The following MYO3A variants were observed in gnomAD, a reference collection of about 807,000 sequenced individuals.
MYO3A encodes myosin IIIA, also known as myosin-IIIa.
In MYO3A, 180 loss-of-function variants were observed where a neutral mutation model predicts 192.7. The ratio of observed to expected loss-of-function variants is 0.93; its 90% CI spans 0.83 to 1.06. MYO3A has a LOEUF of 1.06. Among genes scored for constraint, MYO3A ranks in the 50% least tolerant of loss-of-function variants. MYO3A has a pLI of 0.00. For missense variants in MYO3A, 1,896 were observed against 1,905.0 expected, an observed-to-expected ratio of 1.00 and a Z score of 0.09; for synonymous variants, 628 against 645.3, an observed-to-expected ratio of 0.97 and a Z score of 0.41.
chr10:26,199,614 T>C (rs1843587045), intron 32 of MYO3A, among the ~76,000 whole-genome samples: 1 of 151,006 alleles, frequency 6.6e-6, no homozygotes, highest in South Asian at 2.1e-4. Context: ...CAGGCAAGAG[T>C]GAAAGATGTC....
intron 4 of MYO3A, among the ~76,000 whole-genome samples, chr10:25,993,703 G>T (rs2130878821): frequency 6.6e-6 from 1 of 152,246 alleles, no homozygotes; most frequent in Non-Finnish European, 1.5e-5. Flanking sequence ...AGAGATTCTG[G>T]TATGTTGTGT....
intron 31 of MYO3A, among the ~76,000 whole-genome samples, chr10:26,179,573 C>G (rs1842513245): frequency 6.6e-6 from 1 of 152,098 alleles, no homozygotes; most frequent in Admixed American, 6.6e-5. Context: ...TCTAAGAACC[C>G]ATTGACATTG....
chr10:25,996,190 G>T (rs979711453), intron 4 of MYO3A, among the ~76,000 whole-genome samples: 71 of 152,212 alleles, frequency 4.7e-4, no homozygotes, highest in African/African-American at 1.6e-3. Flanking sequence ...ACCTACTCAA[G>T]CCTCAGCAAT....
intron 20 of MYO3A, among the ~76,000 whole-genome samples, chr10:26,139,159 C>G (rs79786964): frequency 0.01 from 1,583 of 152,262 alleles, 24 homozygotes; most frequent in African/African-American, 0.036. Flanking sequence ...CCCCCAAAAT[C>G]TATCCTCTTA....
At chr10:26,091,199 C>CT (rs1306220426) in intron 15 of MYO3A, among the ~76,000 whole-genome samples, 1 of 152,122 alleles carries the variant, frequency 6.6e-6, no homozygotes. Flanking sequence ...AGACGAGTAT[C>CT]TTTTTTTAAT....
At chr10:26,209,937 A>C (rs1844147676) in intron 34 of MYO3A, among the ~76,000 whole-genome samples, 1 of 152,006 alleles carries the variant, frequency 6.6e-6, no homozygotes, top group Non-Finnish European at 1.5e-5. Context: ...CTTTACAAAA[A>C]CATAAAAATA....
At chr10:26,075,302 C>T (rs569479868) in intron 14 of MYO3A, among the ~76,000 whole-genome samples, 3 of 150,488 alleles carry the variant, frequency 2.0e-5, no homozygotes, top group African/African-American at 7.3e-5. Context: ...CCATAGTTAT[C>T]GGGATACAGG....
chr10:26,143,780 G>A (rs1285628073), intron 21 of MYO3A, among the ~76,000 whole-genome samples, 179 bp downstream of exon 21: 2 of 152,170 alleles, frequency 1.3e-5, no homozygotes, highest in African/African-American at 4.8e-5. Flanking sequence ...TTATGATAGG[G>A]TAAAATATTT....
At chr10:25,961,366 C>A (rs1199599241) in intron 4 of MYO3A, among the ~76,000 whole-genome samples, 1 of 151,980 alleles carries the variant, frequency 6.6e-6, no homozygotes, top group African/African-American at 2.4e-5. Context: ...GTTGGAAACT[C>A]CTGATATTAG....
At chr10:26,145,105 G>A (rs1294447646) in intron 21 of MYO3A, among the ~76,000 whole-genome samples, 2 of 151,606 alleles carry the variant, frequency 1.3e-5, no homozygotes, top group Non-Finnish European at 2.9e-5. Context: ...CTTGAATCCA[G>A]GAGGTGGAGG....
chr10:25,989,632 A>G (rs972953727), intron 4 of MYO3A, among the ~76,000 whole-genome samples: 4 of 152,204 alleles, frequency 2.6e-5, no homozygotes, highest in Admixed American at 6.5e-5. Flanking sequence ...CTGATTAGAA[A>G]TGTGCCTGGC....
chr10:26,067,954 C>CT (rs1178452413), intron 11 of MYO3A, among the ~76,000 whole-genome samples: 1 of 152,122 alleles, frequency 6.6e-6, no homozygotes, highest in Non-Finnish European at 1.5e-5. Flanking sequence ...ATAAACAACT[C>CT]AAGTACTTCC....
chr10:26,005,476 C>A (rs1339684561), intron 6 of MYO3A, among the ~76,000 whole-genome samples: 6 of 152,044 alleles, frequency 3.9e-5, no homozygotes, highest in Non-Finnish European at 5.9e-5. Context: ...TGAATGGGCT[C>A]TGTAGAGTAG....
chr10:26,070,414 T>G lies in MYO3A; in HGVS notation c.1359+13T>G. On this transcript the variant is annotated intron_variant, in intron 14 of 34. Coordinates refer to ENST00000642920, the MANE Select transcript of MYO3A (RefSeq NM_017433.5). The stretch of plus-strand genomic sequence containing the variant: ...AGTGCTTGGAAAGGTATAATTTATT[T>G]TTTTCTCTGTCCCATCAGAAATATT... 1.2e-6 allele frequency: 2 copies of G among 1,601,736 alleles called. No individual in the cohort carries two copies. Among genetic ancestry groups the G allele is most frequent in the Non-Finnish European group, 1.7e-6 (2 of 1,170,602 alleles).
chr10:26,211,775 CG>C, intron 34 of MYO3A, 67 bp from the exon 35 acceptor site: 6 of 1,602,176 alleles, frequency 3.7e-6, no homozygotes, highest in Non-Finnish European at 5.1e-6. Context: ...CCGCCTAACT[CG>C]GGGTAGGTGG....
At chr10:26,202,009 A>G (rs1170854265) in intron 33 of MYO3A, among the ~76,000 whole-genome samples, 2 of 152,178 alleles carry the variant, frequency 1.3e-5, no homozygotes, top group Admixed American at 6.5e-5. Flanking sequence ...TGCTGCTTGT[A>G]ATTTTTATAG....
At chr10:26,073,992 T>C (rs1449185154) in intron 14 of MYO3A, among the ~76,000 whole-genome samples, 1 of 151,978 alleles carries the variant, frequency 6.6e-6, no homozygotes, top group African/African-American at 2.4e-5. Context: ...TTAATTGTTT[T>C]CAAAAAAGGA....
intron 10 of MYO3A, among the ~76,000 whole-genome samples, chr10:26,040,874 T>C (rs374306763): frequency 1.6e-4 from 24 of 152,266 alleles, no homozygotes; most frequent in African/African-American, 4.8e-4. Flanking sequence ...TCTATAGCCA[T>C]TGGATGAATG....
intron 6 of MYO3A, among the ~76,000 whole-genome samples, chr10:26,005,373 A>G (rs1257643073): frequency 6.6e-6 from 1 of 152,216 alleles, no homozygotes. Context: ...TCCAGATTGA[A>G]GGAGATTAGA....
Sources: allele counts gnomAD v4.1 joint callset (sites outside exome capture counted in the v4.1 genomes callset), GRCh38; gene constraint gnomAD v4.1.1; transcripts MANE v1.5; gene names NCBI Gene and HGNC (gene_info 2026-07-23, HGNC 2026-07-21).